The following TMOD1 variants were observed in gnomAD, a reference collection of about 807,000 sequenced individuals.
TMOD1 encodes the protein tropomodulin 1.
Under a neutral mutation model 40.6 loss-of-function variants are expected in TMOD1, and 17 were observed. That is an observed-to-expected ratio of 0.42 (90% confidence interval 0.29 to 0.63). The LOEUF is 0.63. Ranked by LOEUF, TMOD1 falls within the 20% of genes least tolerant of loss-of-function variation. The pLI, the probability that TMOD1 is intolerant of heterozygous loss-of-function variation, is 0.22. For synonymous variants in TMOD1, 181 were observed against 175.0 expected (o/e 1.03, Z -0.27); for missense variants, 391 against 447.6 (o/e 0.87, Z 1.14).
chr9:97,505,916 G>C (rs1347089750), intron 1 of TMOD1, among the ~76,000 whole-genome samples: 2 of 152,080 alleles, frequency 1.3e-5, no homozygotes, highest in Non-Finnish European at 2.9e-5. Context: ...GCTCTTAAAA[G>C]ATCTTCACCT....
At chr9:97,554,795 G>A (rs989593512) in intron 4 of TMOD1, among the ~76,000 whole-genome samples, 1 of 152,134 alleles carries the variant, frequency 6.6e-6, no homozygotes, top group East Asian at 1.9e-4. Context: ...TGCCTTCTGC[G>A]ACTTGTGAGT....
At chr9:97,555,681 T>A in intron 4 of TMOD1, 1 of 1,551,172 alleles carries the variant, frequency 6.4e-7, no homozygotes, top group East Asian at 2.4e-5. Context: ...GACTGAACAC[T>A]TTTGACCACC....
At chr9:97,578,397 G>A (rs761535862) in intron 8 of TMOD1, among the ~76,000 whole-genome samples, 9 of 152,292 alleles carry the variant, frequency 5.9e-5, no homozygotes, top group South Asian at 2.1e-4. Flanking sequence ...GTGTATGCAC[G>A]TGTTCTATTT....
intron 8 of TMOD1, among the ~76,000 whole-genome samples, chr9:97,577,188 C>A (rs866189038): frequency 2.6e-5 from 4 of 152,234 alleles, no homozygotes; most frequent in Admixed American, 6.5e-5. Flanking sequence ...CTTGGTCTCT[C>A]CCCCTTTACA....
At chr9:97,592,393 T>C (rs1280985914) in intron 9 of TMOD1, among the ~76,000 whole-genome samples, 1 of 151,308 alleles carries the variant, frequency 6.6e-6, no homozygotes, top group Non-Finnish European at 1.5e-5. Flanking sequence ...AGTTACATTA[T>C]TCTTATCACA....
At chr9:97,596,920 T>C (rs1826124101) in intron 9 of TMOD1, among the ~76,000 whole-genome samples, 1 of 152,258 alleles carries the variant, frequency 6.6e-6, no homozygotes, top group Non-Finnish European at 1.5e-5. Context: ...ATACTTCATA[T>C]TTCTCAAACA....
At chr9:97,554,311 G>C (rs62560474) in intron 4 of TMOD1, among the ~76,000 whole-genome samples, 29,414 of 151,948 alleles carry the variant, frequency 0.19, 3,044 homozygotes, top group South Asian at 0.3. Flanking sequence ...ACACTAAGTG[G>C]TGTCGGTGCC....
At chr9:97,559,806 T>A (rs111251034) in intron 4 of TMOD1, among the ~76,000 whole-genome samples, 12 of 37,948 alleles carry the variant, frequency 3.2e-4, no homozygotes, top group East Asian at 1.6e-3. Flanking sequence ...TATATATATA[T>A]ATATATATAT....
At chr9:97,592,022 T>TA (rs1826012534) in intron 9 of TMOD1, among the ~76,000 whole-genome samples, 1 of 151,588 alleles carries the variant, frequency 6.6e-6, no homozygotes, top group African/African-American at 2.4e-5. Flanking sequence ...CAGGAAATTT[T>TA]AAAAAATAAA....
chr9:97,559,829 ATCTATCTATCTATCTATC>A (rs1563990780), intron 4 of TMOD1, among the ~76,000 whole-genome samples: 1,265 of 61,176 alleles, frequency 0.021, 89 homozygotes, highest in African/African-American at 0.06. Context: ...ATATATGTCT[ATCTATCTATCTATCTATC>A]TATCTCCAGA....
At chr9:97,536,626 C>G (rs952294329) in intron 2 of TMOD1, among the ~76,000 whole-genome samples, 1 of 152,068 alleles carries the variant, frequency 6.6e-6, no homozygotes, top group Non-Finnish European at 1.5e-5. Context: ...TCCCAGAGGA[C>G]GGCAGTCAGG....
chr9:97,564,004 C>T (rs1383720220), intron 5 of TMOD1, 34 bp from the exon 6 acceptor site: 2 of 1,589,026 alleles, frequency 1.3e-6, no homozygotes, highest in East Asian at 4.5e-5. Context: ...CCCCTTGTTT[C>T]TGTGAGCCAC....
At chr9:97,528,834 C>T (rs753156723) in intron 2 of TMOD1, among the ~76,000 whole-genome samples, 3 of 152,272 alleles carry the variant, frequency 2.0e-5, no homozygotes, top group Non-Finnish European at 4.4e-5. Context: ...ACCTAGGCCA[C>T]TGCCCTCTCT....
intron 8 of TMOD1, among the ~76,000 whole-genome samples, chr9:97,574,015 T>G (rs951764314): frequency 6.6e-6 from 1 of 152,166 alleles, no homozygotes; most frequent in African/African-American, 2.4e-5. Context: ...TCACAGGAGT[T>G]GACCAGAAAG....
At chr9:97,596,139 GGCCTGTTCCTAGAT>G (rs1357908157) in intron 9 of TMOD1, among the ~76,000 whole-genome samples, 4 of 151,442 alleles carry the variant, frequency 2.6e-5, no homozygotes, top group African/African-American at 7.3e-5. Flanking sequence ...CAGAAATCTG[GGCCTGTTCCTAGAT>G]GCTGCCTCCA....
chr9:97,533,779 CCAGGTTAT>C (rs1214411363), intron 2 of TMOD1, among the ~76,000 whole-genome samples: 1 of 152,188 alleles, frequency 6.6e-6, no homozygotes, highest in Non-Finnish European at 1.5e-5. Context: ...GGCTGAGAAC[CCAGGTTAT>C]CAGGTAGGGT....
intron 8 of TMOD1, among the ~76,000 whole-genome samples, chr9:97,579,247 G>A (rs531240240): frequency 3.3e-5 from 5 of 152,226 alleles, no homozygotes; most frequent in African/African-American, 7.2e-5. Context: ...CTGGGCTGAC[G>A]TCGCCTCTAT....
chr9:97,517,075 G>T (rs1246861646), intron 1 of TMOD1, among the ~76,000 whole-genome samples: 2 of 152,166 alleles, frequency 1.3e-5, no homozygotes, highest in Non-Finnish European at 2.9e-5. Flanking sequence ...GGCCAGACAT[G>T]GTGGCTCACA....
chr9:97,514,204 G>C (rs1001019244), intron 1 of TMOD1, among the ~76,000 whole-genome samples: 2 of 151,590 alleles, frequency 1.3e-5, no homozygotes, highest in Non-Finnish European at 2.9e-5. Flanking sequence ...TTGGATTACA[G>C]GTGCCCGCCA....
Sources: allele counts gnomAD v4.1 joint callset (sites outside exome capture counted in the v4.1 genomes callset), GRCh38; gene constraint gnomAD v4.1.1; transcripts MANE v1.5; gene names NCBI Gene and HGNC (gene_info 2026-07-23, HGNC 2026-07-21).